DNAH9: variants seen among roughly 807,000 people sequenced by gnomAD.
DNAH9 encodes dynein axonemal heavy chain 9, also known as DNAH9 variant protein.
In DNAH9, 345 loss-of-function variants were observed where a neutral mutation model predicts 471.6. That is an observed-to-expected ratio of 0.73 (90% CI 0.67 to 0.80). The LOEUF is 0.80. Ranked by LOEUF, DNAH9 falls within the 30% of genes least tolerant of loss-of-function variation. The pLI, the probability that DNAH9 is intolerant of heterozygous loss-of-function variation, is 0.00. For missense variants in DNAH9, 5,407 were observed against 5,609.2 expected (o/e 0.96, Z 1.15); for synonymous variants, 2,093 against 2,123.6 (o/e 0.99, Z 0.40).
rs1249589880 is a variant in DNAH9 at position 11,689,728 on chromosome 17, G to A, written c.3906G>A (p.Leu1302=). Residue 1302 remains leucine, a synonymous_variant, in exon 20 of 69, where the codon CTG becomes CTA. Coordinates refer to ENST00000262442, the MANE Select transcript of DNAH9 (RefSeq NM_001372.4). ...AGTGCAGGAAGGAGGTCTGCCAGCT[G>A]AAGGAGCTCTGGGACACCATTGGAA... is the stretch of plus-strand genomic sequence containing the variant. The part of the protein sequence containing the change: ...LRQCRKEVCQ[L]KELWDTIGMV... 6.2e-7 allele frequency: 1 copy of A among 1,614,224 alleles called. No individual in the cohort carries two copies. The highest frequency in any genetic ancestry group is 1.3e-5 in the African/African-American group (1 of 75,058).
chr17:11,749,435 C>T (rs939243580), intron 32 of DNAH9, among the ~76,000 whole-genome samples: 7 of 152,040 alleles, frequency 4.6e-5, no homozygotes, highest in Admixed American at 4.6e-4. Flanking sequence ...CTGTCACATG[C>T]ATTGCTAATG....
rs769795916 is a variant in DNAH9, at chr17:11,598,799, CT to C, written c.308del (p.Phe103SerfsTer31). 6.0e-4 allele frequency: 888 copies of C among 1,479,728 alleles called. 1 individual carries two copies. Among genetic ancestry groups the C allele is most frequent in the Non-Finnish European group, 6.9e-4 (770 of 1,118,860 alleles). The allele number at this position is 1,479,728 out of a possible 1,614,324, so 91.7% of individuals were successfully genotyped here. On this transcript the variant is annotated frameshift_variant, in exon 1 of 69. Coordinates refer to ENST00000262442, the MANE Select transcript of DNAH9 (RefSeq NM_001372.4). LOFTEE classifies it high-confidence loss of function. ...PESGLAGAKA[L>X]FFLRTGPEPP... ...GTCGGGCCTGGCTGGCGCTAAGGCG[CT>C]TTTTTTCCTTCGCACCGGGCCCGAG... is the stretch of plus-strand genomic sequence containing the variant.
intron 20 of DNAH9, among the ~76,000 whole-genome samples, chr17:11,690,806 G>A (rs188768038): frequency 4.6e-4 from 70 of 152,296 alleles, no homozygotes; most frequent in African/African-American, 1.1e-3. Flanking sequence ...CTGAAAGCGA[G>A]TCTCGTTTCC....
chr17:11,837,153 T>A, intron 49 of DNAH9, among the ~76,000 whole-genome samples: 1 of 152,238 alleles, frequency 6.6e-6, no homozygotes, highest in East Asian at 1.9e-4. Context: ...AATGAACATT[T>A]ATAAATACTG....
intron 28 of DNAH9, among the ~76,000 whole-genome samples, chr17:11,736,576 GT>G (rs1404456739): frequency 2.0e-5 from 3 of 152,216 alleles, no homozygotes; most frequent in Non-Finnish European, 4.4e-5. Context: ...TTATGTTCCA[GT>G]GATTTGCTCT....
intron 8 of DNAH9, among the ~76,000 whole-genome samples, chr17:11,633,192 T>G (rs1230366527): frequency 6.6e-6 from 1 of 152,196 alleles, no homozygotes; most frequent in African/African-American, 2.4e-5. Context: ...GCGTAGATGA[T>G]GCATAGGTAA....
At chr17:11,927,941 A>G (rs1974384755) in intron 62 of DNAH9, among the ~76,000 whole-genome samples, 1 of 152,186 alleles carries the variant, frequency 6.6e-6, no homozygotes, top group Non-Finnish European at 1.5e-5. Flanking sequence ...GTTGCTGGTG[A>G]TGCTGGCTAA....
In DNAH9 at chr17:11,969,468, A is replaced by G; in HGVS notation, c.13402A>G (p.Thr4468Ala). 1.2e-6 allele frequency: 2 copies of G among 1,613,894 alleles called. No homozygotes were observed. The highest frequency in any genetic ancestry group is 1.7e-6 in the Non-Finnish European group (2 of 1,180,008). The change falls in exon 69 of 69, where the codon ACT becomes GCT. Residue 4468 changes from threonine (T) to alanine (A), a missense_variant. Physicochemically the swap from Thr to Ala is moderately conservative, Grantham distance 58. Coordinates refer to ENST00000262442, the MANE Select transcript of DNAH9 (RefSeq NM_001372.4). The part of the protein sequence containing the change: ...PTYVWTFNLK[T>A]KENPSKWVLA... ...CTACGTGTGGACTTTCAACCTGAAG[A>G]CTAAGGAAAACCCATCCAAGTGGGT...
At chr17:11,882,247 CT>C (rs1972752853) in intron 55 of DNAH9, among the ~76,000 whole-genome samples, 1 of 152,184 alleles carries the variant, frequency 6.6e-6, no homozygotes, top group Non-Finnish European at 1.5e-5. Flanking sequence ...CTCACATGAC[CT>C]CTTCTTTGCA....
chr17:11,768,529 C>T lies in DNAH9; in HGVS notation c.7247C>T (p.Thr2416Ile). Residue 2416 changes from threonine to isoleucine, a missense_variant, in exon 37 of 69, where the codon ACC becomes ATC. Coordinates refer to ENST00000262442, the MANE Select transcript of DNAH9 (RefSeq NM_001372.4). ...FKTVKFPSQGTIFDYYIDPET... is the reference protein window; with the variant it reads ...FKTVKFPSQGIIFDYYIDPET... ...ACAGTCAAGTTTCCTTCCCAAGGAACCATCTTTGACTATTACATCGACCCA... is the reference window on the plus strand; with the variant it reads ...ACAGTCAAGTTTCCTTCCCAAGGAATCATCTTTGACTATTACATCGACCCA... 1 of 1,614,196 alleles carries T rather than the reference C, an allele frequency of 6.2e-7. No individual in the cohort carries two copies. Among genetic ancestry groups the T allele is most frequent in the Non-Finnish European group, 8.5e-7 (1 of 1,180,028 alleles).
Position 11,880,102 on chromosome 17 carries a change from C to T in DNAH9, c.10503C>T (p.Ala3501=), listed in dbSNP as rs1972657807. 1 of 1,613,970 alleles carries T rather than the reference C, an allele frequency of 6.2e-7. No individual in the cohort carries two copies. The highest frequency in any genetic ancestry group is 8.5e-7 in the Non-Finnish European group (1 of 1,179,930). ...QKGYLQIIEQ[A]LEAGAVVLIE... is the part of the protein sequence containing the mutation. ...GCTACCTTCAAATCATAGAGCAGGC[C>T]CTGGAAGCTGGAGCTGTGGTGCTGA... Residue 3501 remains alanine (A), a synonymous_variant, in exon 54 of 69, where the codon GCC becomes GCT. Transcript: ENST00000262442.
At chr17:11,824,905 T>C (rs914631173) in intron 48 of DNAH9, among the ~76,000 whole-genome samples, 7 of 150,974 alleles carry the variant, frequency 4.6e-5, no homozygotes, top group East Asian at 3.9e-4. Context: ...CCTTCTCCTC[T>C]TCCTCCTCCT....
rs1206790638 is a variant in DNAH9 at position 11,676,918 on chromosome 17, ATTT to A, written c.3354-2835_3354-2833del. ...TTAATATTAATTATAATGGGTTTAG[ATTT>A]TTTAATTTTTCAAATGTGAGACTTT... On this transcript the variant is annotated intron_variant, in intron 17 of 68. Coordinates refer to ENST00000262442, the MANE Select transcript of DNAH9 (RefSeq NM_001372.4). Among the ~76,000 whole-genome samples the A allele has an allele frequency of 6.6e-5, 10 of 152,022 alleles. No homozygotes were observed. In the East Asian group the frequency reaches 1.7e-3, roughly 27 times the overall value.
Position 11,875,325 on chromosome 17 carries a change from T to C in DNAH9, c.10478+141T>C, listed in dbSNP as rs2150989297. ...GCTTCTCACGTTTCTCCGTCCATTT[T>C]AGCAAACATCTCAATGAAAGATGCC... On this transcript the variant is annotated intron_variant, in intron 53 of 68. Transcript: ENST00000262442. The C allele has an allele frequency of 8.8e-6, 6 of 679,750 alleles. No individual in the cohort carries two copies. In the South Asian group the frequency reaches 9.6e-5, roughly 11 times the overall value. The allele number at this position is 679,750 out of a possible 1,614,324, so 42.1% of individuals were successfully genotyped here.
In DNAH9 at chr17:11,905,750, CTCCTATGTTTTTCA is replaced by C; in HGVS notation, c.11695_11708del (p.Met3899ValfsTer40). The C allele has an allele frequency of 6.2e-7, 1 of 1,614,194 alleles. No individual in the cohort carries two copies. Among genetic ancestry groups the C allele is most frequent in the South Asian group, 1.1e-5 (1 of 91,078 alleles). On this transcript the variant is annotated frameshift_variant, in exon 61 of 69. Transcript: ENST00000262442. LOFTEE classifies it high-confidence loss of function. ...TCATTTGAAGAATCGGGACCAGCCA[CTCCTATGTTTTTCA>C]TCCTGTCTCCAGGGGTGGACCCACT...
At position 11,934,028 on chromosome 17, in the gene DNAH9, G is replaced by C. The variant is rs757478102; in HGVS notation, c.12446G>C (p.Gly4149Ala). The change falls in exon 65 of 69, where the codon GGG becomes GCG. Residue 4149 changes from glycine to alanine, a missense_variant. By Grantham distance (60) the Gly-to-Ala change is moderately conservative. Transcript: ENST00000262442. ...MLEGELSLAP[G>A]FPLPGNMDYN... ...GAAGGAGAACTGTCTTTGGCCCCAG[G>C]GTTCCCACTCCCAGGCAACATGGAC... 3 of 1,614,104 alleles carry C rather than the reference G, an allele frequency of 1.9e-6. No individual in the cohort carries two copies. The highest frequency in any genetic ancestry group is 3.3e-5 in the Admixed American group (2 of 60,010).
At chr17:11,620,323 G>A (rs1342614240) in intron 6 of DNAH9, among the ~76,000 whole-genome samples, 1 of 151,466 alleles carries the variant, frequency 6.6e-6, no homozygotes, top group African/African-American at 2.4e-5. Context: ...GACCAGTCTG[G>A]TCAACATGGC....
At chr17:11,757,913 G>T (rs796799277) in intron 35 of DNAH9, among the ~76,000 whole-genome samples, 25 of 152,330 alleles carry the variant, frequency 1.6e-4, no homozygotes, top group African/African-American at 5.8e-4. Flanking sequence ...AGGGGAGGAA[G>T]ATTGAAAGTC....
intron 43 of DNAH9, among the ~76,000 whole-genome samples, chr17:11,800,512 C>T (rs1969414899): frequency 6.6e-6 from 1 of 152,142 alleles, no homozygotes; most frequent in Non-Finnish European, 1.5e-5. Flanking sequence ...TTGCCTCTTA[C>T]ATTCCTTTCC....
Sources: allele counts gnomAD v4.1 joint callset (sites outside exome capture counted in the v4.1 genomes callset), GRCh38; gene constraint gnomAD v4.1.1; transcripts MANE v1.5; gene names NCBI Gene and HGNC (gene_info 2026-07-23, HGNC 2026-07-21).